USP25: variants seen among roughly 807,000 people sequenced by gnomAD.
The protein encoded by USP25 is ubiquitin carboxyl-terminal hydrolase 25.
USP25 carries 85 observed loss-of-function variants against 158.5 expected under a neutral mutation model. The ratio of observed to expected loss-of-function variants is 0.54; its 90% CI spans 0.45 to 0.64. The LOEUF (loss-of-function observed/expected upper bound fraction) is 0.64. USP25 is among the 30% of genes least tolerant of loss of function. The probability of loss-of-function intolerance (pLI) is 0.00; values close to 1 mark genes in which losing one functional copy is unlikely to be tolerated. For missense variants in USP25, 1,242 were observed against 1,327.3 expected (o/e 0.94, Z 1.00); for synonymous variants, 464 against 460.4 (o/e 1.01, Z -0.10).
intron 1 of USP25, among the ~76,000 whole-genome samples, chr21:15,740,639 C>CTGTTTTT (rs1568745444): frequency 2.7e-5 from 1 of 37,386 alleles, no homozygotes; most frequent in African/African-American, 8.0e-5. Flanking sequence ...TTCTTTCTGG[C>CTGTTTTT]TGTTTTTTTT....
Position 15,847,649 on chromosome 21 carries a change from A to G in USP25, c.2338-14A>G. 1 of 1,522,564 alleles carries G rather than the reference A, an allele frequency of 6.6e-7. No individual in the cohort carries two copies. Among genetic ancestry groups the G allele is most frequent in the Non-Finnish European group, 8.9e-7 (1 of 1,121,854 alleles). 94.3% of individuals were successfully genotyped at this position (1,522,564 alleles called of 1,614,324 possible). On this transcript the variant is annotated splice_polypyrimidine_tract_variant and intron_variant, in intron 18 of 25. Transcript: ENST00000400183. Reference sequence around the variant, plus strand: ...CTCTTTTCTAATGTTTATATTAATGATTTCCTTCTGCAGAAACCTGAAAAT... The same window carrying G: ...CTCTTTTCTAATGTTTATATTAATGGTTTCCTTCTGCAGAAACCTGAAAAT...
At chr21:15,865,616 C>T (rs1300166035) in intron 21 of USP25, among the ~76,000 whole-genome samples, 5 of 152,138 alleles carry the variant, frequency 3.3e-5, no homozygotes, top group Non-Finnish European at 4.4e-5. Context: ...GTTATCTGTG[C>T]TATCAGTGTA....
At chr21:15,804,706 A>G (rs1205627416) in intron 6 of USP25, among the ~76,000 whole-genome samples, 1 of 152,056 alleles carries the variant, frequency 6.6e-6, no homozygotes, top group Non-Finnish European at 1.5e-5. Flanking sequence ...GTTTATTGAG[A>G]TCAAGCACTT....
At chr21:15,790,606 C>A (rs2035536449) in intron 4 of USP25, among the ~76,000 whole-genome samples, 1 of 149,816 alleles carries the variant, frequency 6.7e-6, no homozygotes, top group African/African-American at 2.4e-5. Context: ...GTTAAGATAC[C>A]TGAATGTTAT....
intron 20 of USP25, among the ~76,000 whole-genome samples, chr21:15,859,679 A>T (rs998509710): frequency 3.3e-5 from 5 of 152,134 alleles, no homozygotes; most frequent in African/African-American, 1.2e-4. Context: ...CTCTGAAAGC[A>T]GTTCTGGTAG....
chr21:15,804,538 A>G (rs2036284157), intron 6 of USP25, among the ~76,000 whole-genome samples: 1 of 152,052 alleles, frequency 6.6e-6, no homozygotes, highest in Non-Finnish European at 1.5e-5. Context: ...AGGTTCTAAT[A>G]TTAGTCTAAT....
chr21:15,779,848 A>G lies in USP25; in HGVS notation c.392+1821A>G, dbSNP rs149917173. Among the ~76,000 whole-genome samples the G allele has an allele frequency of 2.6e-3, 398 of 152,236 alleles. 2 individuals are homozygous for G. The highest frequency in any genetic ancestry group is 9.3e-3 in the African/African-American group (385 of 41,586). On this transcript the variant is annotated intron_variant, in intron 4 of 25. Transcript: ENST00000400183. Reference sequence around the variant, plus strand: ...AACATGCCATAAAGCTATGCTCCCTAGAAGTAAAAGAGTCATATTAATTAT... The same window carrying G: ...AACATGCCATAAAGCTATGCTCCCTGGAAGTAAAAGAGTCATATTAATTAT...
intron 10 of USP25, among the ~76,000 whole-genome samples, chr21:15,819,658 A>T (rs924443247): frequency 2.0e-5 from 3 of 152,310 alleles, no homozygotes; most frequent in East Asian, 3.9e-4. Flanking sequence ...CTTGGTGCTT[A>T]TCAAACAAGT....
chr21:15,808,993 G>A, intron 8 of USP25, 108 bp downstream of exon 8: 2 of 746,078 alleles, frequency 2.7e-6, no homozygotes, highest in East Asian at 3.0e-5. Context: ...GGGAATCCCA[G>A]TATTTTCTGT....
At chr21:15,764,400 A>G (rs1427526178) in intron 2 of USP25, among the ~76,000 whole-genome samples, 1 of 151,374 alleles carries the variant, frequency 6.6e-6, no homozygotes, top group African/African-American at 2.4e-5. Flanking sequence ...TTGTGTGAGC[A>G]TAGGTATTTT....
intron 18 of USP25, among the ~76,000 whole-genome samples, chr21:15,844,867 T>C (rs2038504919): frequency 6.6e-6 from 1 of 152,178 alleles, no homozygotes; most frequent in Non-Finnish European, 1.5e-5. Flanking sequence ...ACTTACCTTT[T>C]ATAACCATTT....
chr21:15,742,656 C>T (rs1487416263), intron 1 of USP25, among the ~76,000 whole-genome samples: 2 of 152,048 alleles, frequency 1.3e-5, no homozygotes, highest in African/African-American at 4.8e-5. Context: ...AGAAAGGAAA[C>T]GAGAAATGGT....
chr21:15,751,542 A>C (rs891292163), intron 1 of USP25, among the ~76,000 whole-genome samples: 20 of 152,214 alleles, frequency 1.3e-4, no homozygotes, highest in African/African-American at 4.6e-4. Context: ...TTAATTGGAC[A>C]AGAGAGCTAT....
intron 4 of USP25, among the ~76,000 whole-genome samples, chr21:15,781,538 C>G (rs1345337701): frequency 1.3e-5 from 2 of 152,076 alleles, no homozygotes; most frequent in African/African-American, 4.8e-5. Context: ...GGAACCAAAA[C>G]AACGAATAAG....
At chr21:15,783,208 G>A (rs75208719) in intron 4 of USP25, among the ~76,000 whole-genome samples, 15 of 142,008 alleles carry the variant, frequency 1.1e-4, no homozygotes, top group Non-Finnish European at 9.3e-5. Context: ...TTCAGAAGAA[G>A]AAAAAAAAAA....
At chr21:15,784,767 A>T (rs551730590) in intron 4 of USP25, among the ~76,000 whole-genome samples, 3 of 152,308 alleles carry the variant, frequency 2.0e-5, no homozygotes, top group Non-Finnish European at 4.4e-5. Flanking sequence ...TATAGTAGAT[A>T]GACAAACAAG....
At position 15,813,640 on chromosome 21, in the gene USP25, A is replaced by G. The variant is rs112057595; in HGVS notation, c.931+2430A>G. On this transcript the variant is annotated intron_variant, in intron 9 of 25. Transcript: ENST00000400183. The stretch of plus-strand genomic sequence containing the variant: ...TTCTCCCACTCTTTCTTTCTCATCA[A>G]TATTTACACATTGTCTGGTATCTCA... 2.7e-3 allele frequency among the ~76,000 whole-genome samples: 410 copies of G among 152,186 alleles called. 2 individuals carry two copies. Among genetic ancestry groups the G allele is most frequent in the East Asian group, 0.016 (84 of 5,166 alleles).
chr21:15,860,970 A>AG (rs1460058343), intron 20 of USP25, among the ~76,000 whole-genome samples: 2 of 138,086 alleles, frequency 1.4e-5, no homozygotes, highest in African/African-American at 5.2e-5. Flanking sequence ...ATATATATAT[A>AG]TATATAGAGA....
At position 15,827,777 on chromosome 21, in the gene USP25, T is replaced by TGCGTGTGTGTGTGCGTGTGTGTGC. The variant is rs1568859106; in HGVS notation, c.1693+575_1693+576insCGTGTGTGTGTGCGTGTGTGTGCG. Reference sequence around the variant, plus strand: ...TTGTGTGCGTGTGCGTGTGTGTGTGTGTGTGTGTGTGTGTGTGTGTGTGTG... The same window carrying TGCGTGTGTGTGTGCGTGTGTGTGC: ...TTGTGTGCGTGTGCGTGTGTGTGTGTGCGTGTGTGTGTGCGTGTGTGTGCGTGTGTGTGTGTGTGTGTGTGTGTG... On this transcript the variant is annotated intron_variant, in intron 14 of 25. Coordinates refer to ENST00000400183, the MANE Select transcript of USP25 (RefSeq NM_001283041.3). 5.2e-4 allele frequency among the ~76,000 whole-genome samples: 77 copies of TGCGTGTGTGTGTGCGTGTGTGTGC among 147,648 alleles called. 1 individual carries two copies. Among genetic ancestry groups the TGCGTGTGTGTGTGCGTGTGTGTGC allele is most frequent in the Admixed American group, 2.4e-3 (36 of 14,810 alleles).
Sources: gnomAD v4.1 joint callset for allele counts (sites outside exome capture counted in the v4.1 genomes callset) on GRCh38, gnomAD v4.1.1 for gene constraint, MANE v1.5 for transcripts, NCBI Gene and HGNC (gene_info 2026-07-23, HGNC 2026-07-21) for gene names.